The following SLC39A10 variants were observed in gnomAD, a reference collection of about 807,000 sequenced individuals.
The protein encoded by SLC39A10 is zinc transporter ZIP10.
In SLC39A10, 13 loss-of-function variants were observed where a neutral mutation model predicts 65.1. The ratio of observed to expected loss-of-function variants is 0.20; its 90% CI spans 0.13 to 0.32. The LOEUF (loss-of-function observed/expected upper bound fraction) is 0.32. Among genes scored for constraint, SLC39A10 ranks in the 10% least tolerant of loss-of-function variants. The pLI is 1.00. For synonymous variants in SLC39A10, 321 were observed against 342.2 expected, an observed-to-expected ratio of 0.94 and a Z score of 0.68; for missense variants, 831 against 1,018.4, an observed-to-expected ratio of 0.82 and a Z score of 2.50.
Position 195,716,733 on chromosome 2 carries a change from G to T in SLC39A10, c.1793G>T (p.Cys598Phe). ...QQESPPKNYL[C>F]IEEEKIIDHS... The stretch of plus-strand genomic sequence containing the variant: ...GAATCCCCTCCTAAAAATTACCTTT[G>T]TATAGAAGAGGAGAAAATCATAGAC... Residue 598 changes from cysteine to phenylalanine, a missense_variant, in exon 7 of 10, where the codon TGT becomes TTT. By Grantham distance (205) the Cys-to-Phe change is radical (BLOSUM62 -2). Around this residue, in one of 4 missense-constraint regions of SLC39A10, gnomAD observed 230 missense variants for 242.9 expected, o/e 0.95. Coordinates refer to ENST00000359634, the MANE Select transcript of SLC39A10 (RefSeq NM_020342.3). 1 of 1,614,146 alleles carries T rather than the reference G, an allele frequency of 6.2e-7. No individual in the cohort carries two copies. Among genetic ancestry groups the T allele is most frequent in the East Asian group, 2.2e-5 (1 of 44,882 alleles).
chr2:195,708,067 A>G (rs1691470941), intron 4 of SLC39A10, among the ~76,000 whole-genome samples: 1 of 152,174 alleles, frequency 6.6e-6, no homozygotes, highest in Admixed American at 6.5e-5. Flanking sequence ...TTTCCACAGT[A>G]TATGCAGAGA....
chr2:195,715,337 C>T (rs1691753774), intron 6 of SLC39A10, among the ~76,000 whole-genome samples: 1 of 151,624 alleles, frequency 6.6e-6, no homozygotes, highest in African/African-American at 2.4e-5. Flanking sequence ...ACCAGCCTGA[C>T]CAATATGGTG....
At chr2:195,637,019 C>G (rs1006072010) in intron 2 of SLC39A10, among the ~76,000 whole-genome samples, 3 of 152,086 alleles carry the variant, frequency 2.0e-5, no homozygotes, top group Admixed American at 2.0e-4. Flanking sequence ...CTAGTCTCAA[C>G]TAAAAGCAGG....
At chr2:195,713,388 C>T (rs1691666320) in intron 5 of SLC39A10, 45 bp from the exon 6 acceptor site, 1 of 1,433,158 alleles carries the variant, frequency 7.0e-7, no homozygotes, top group African/African-American at 1.5e-5. Context: ...ATTGTGTCCT[C>T]ACATTTTATA....
chr2:195,718,350 A>AT lies in SLC39A10; in HGVS notation c.2146+22dup. Reference sequence around the variant, plus strand: ...TGAATTAGGTAATATAACCTTAAAAATTTTACCAGATTTCATCAAATCTAA... The same window carrying AT: ...TGAATTAGGTAATATAACCTTAAAAATTTTTACCAGATTTCATCAAATCTAA... On this transcript the variant is annotated intron_variant, in intron 8 of 9. Coordinates refer to ENST00000359634, the MANE Select transcript of SLC39A10 (RefSeq NM_020342.3). The AT allele has an allele frequency of 1.3e-6, 2 of 1,554,958 alleles. No individual in the cohort carries two copies. The highest frequency in any genetic ancestry group is 1.8e-6 in the Non-Finnish European group (2 of 1,133,628).
chr2:195,698,983 T>C (rs1691080923), intron 3 of SLC39A10, among the ~76,000 whole-genome samples: 1 of 152,076 alleles, frequency 6.6e-6, no homozygotes, highest in African/African-American at 2.4e-5. Flanking sequence ...TTACCAGTTA[T>C]AGTCTATTCC....
upstream of SLC39A10, among the ~76,000 whole-genome samples, chr2:195,651,767 C>G (rs2105714130): frequency 6.6e-6 from 1 of 152,072 alleles, no homozygotes; most frequent in Middle Eastern, 3.4e-3. Context: ...GAGCCACTGC[C>G]CATGGCCCCC....
In SLC39A10 at chr2:195,734,924, T is replaced by C; in HGVS notation, c.2379T>C (p.His793=). The C allele has an allele frequency of 6.2e-7, 1 of 1,611,058 alleles. No individual in the cohort carries two copies. The highest frequency in any genetic ancestry group is 8.5e-7 in the Non-Finnish European group (1 of 1,178,898). Residue 793 remains histidine, a synonymous_variant, in exon 10 of 10, where the codon CAT becomes CAC. Coordinates refer to ENST00000359634, the MANE Select transcript of SLC39A10 (RefSeq NM_020342.3). ...ATGGTGATGGTGACAATGAAGAACATGGCTTTTGTCCTGTGGGGCAATTCA... is the reference window on the plus strand; with the variant it reads ...ATGGTGATGGTGACAATGAAGAACACGGCTTTTGTCCTGTGGGGCAATTCA... ...MLHGDGDNEE[H]GFCPVGQFIL... is the part of the protein sequence containing the mutation.
chr2:195,637,230 T>G (rs1469134814), intron 2 of SLC39A10, among the ~76,000 whole-genome samples: 1 of 152,122 alleles, frequency 6.6e-6, no homozygotes, highest in East Asian at 1.9e-4. Flanking sequence ...GGCTGCCAAA[T>G]TTTAGGGGAA....
At chr2:195,734,786 C>G (rs965774401) in intron 9 of SLC39A10, 97 bp from the exon 10 acceptor site, 6 of 1,183,028 alleles carry the variant, frequency 5.1e-6, no homozygotes, top group Non-Finnish European at 5.9e-6. Context: ...TGTAGTTACA[C>G]TTCAGTCACT....
intron 2 of SLC39A10, among the ~76,000 whole-genome samples, chr2:195,645,735 G>A (rs1028553270): frequency 6.6e-6 from 1 of 152,048 alleles, no homozygotes; most frequent in Non-Finnish European, 1.5e-5. Context: ...GTGTTTTTAA[G>A]GTTAATTCAT....
At chr2:195,616,245 G>A (rs1399537007) in intron 2 of SLC39A10, among the ~76,000 whole-genome samples, 5 of 152,168 alleles carry the variant, frequency 3.3e-5, no homozygotes, top group East Asian at 1.9e-4. Flanking sequence ...GTGAGCCACC[G>A]TGCCCAGCCA....
chr2:195,686,972 GT>G (rs766588260), intron 3 of SLC39A10, among the ~76,000 whole-genome samples: 2 of 152,194 alleles, frequency 1.3e-5, no homozygotes, highest in Non-Finnish European at 2.9e-5. Context: ...TAAGTTGGTG[GT>G]TTAAAACAAA....
chr2:195,703,129 C>A (rs2105805677), intron 3 of SLC39A10, among the ~76,000 whole-genome samples: 1 of 152,174 alleles, frequency 6.6e-6, no homozygotes, highest in East Asian at 1.9e-4. Context: ...CCTCCCTCCC[C>A]TTTGAAATAC....
intron 2 of SLC39A10, among the ~76,000 whole-genome samples, chr2:195,681,532 G>C (rs72913223): frequency 6.6e-6 from 1 of 151,766 alleles, no homozygotes; most frequent in Non-Finnish European, 1.5e-5. Flanking sequence ...CTCAAAAAAA[G>C]AAAGAAAAAA....
intron 2 of SLC39A10, among the ~76,000 whole-genome samples, chr2:195,629,588 T>C (rs1184436524): frequency 6.6e-6 from 1 of 152,100 alleles, no homozygotes; most frequent in African/African-American, 2.4e-5. Flanking sequence ...ACAAACTCAA[T>C]ATTGTCTGAA....
intron 1 of SLC39A10, among the ~76,000 whole-genome samples, chr2:195,663,905 G>A (rs910473107): frequency 9.9e-5 from 15 of 151,368 alleles, no homozygotes; most frequent in Non-Finnish European, 1.8e-4. Flanking sequence ...TGTCATCCAG[G>A]TACTGAGCAT....
chr2:195,675,820 T>C (rs1690063026), intron 1 of SLC39A10, among the ~76,000 whole-genome samples: 1 of 152,214 alleles, frequency 6.6e-6, no homozygotes, highest in Non-Finnish European at 1.5e-5. Flanking sequence ...TGTTCATATT[T>C]GGCTGTAGTA....
intron 2 of SLC39A10, among the ~76,000 whole-genome samples, chr2:195,619,056 G>A (rs1015094703): frequency 3.1e-5 from 4 of 129,728 alleles, no homozygotes; most frequent in Non-Finnish European, 4.6e-5. Context: ...TCGCACCATT[G>A]CACTCCAGCC....
Sources: allele counts gnomAD v4.1 joint callset (sites outside exome capture counted in the v4.1 genomes callset), GRCh38; gene constraint gnomAD v4.1.1; regional missense constraint gnomAD v4.1.1; transcripts MANE v1.5; gene names NCBI Gene and HGNC (gene_info 2026-07-23, HGNC 2026-07-21).